SLX9: variants seen among roughly 807,000 people sequenced by gnomAD.
SLX9 encodes ribosome biogenesis protein SLX9 homolog.
SLX9 carries 19 observed loss-of-function variants against 20.8 expected under a neutral mutation model. That is an observed-to-expected ratio of 0.91 (90% CI 0.64 to 1.34). The LOEUF is 1.34. SLX9 is among the 40% of genes most tolerant of loss of function. The pLI is 0.00. For missense variants in SLX9, 299 were observed against 322.2 expected, an observed-to-expected ratio of 0.93 and a Z score of 0.55; for synonymous variants, 113 against 137.1, an observed-to-expected ratio of 0.82 and a Z score of 1.23.
At chr21:44,962,105 CATCA>C in intron 3 of SLX9, among the ~76,000 whole-genome samples, 1 of 152,332 alleles carries the variant, frequency 6.6e-6, no homozygotes, top group East Asian at 1.9e-4. Flanking sequence ...AAATGGCAGA[CATCA>C]GTACACTCCA....
At chr21:44,953,552 G>A (rs1190039934) in intron 2 of SLX9, among the ~76,000 whole-genome samples, 4 of 151,424 alleles carry the variant, frequency 2.6e-5, no homozygotes, top group Admixed American at 6.6e-5. Context: ...CATCCCCGGC[G>A]GTGGGGCCCT....
At chr21:44,958,570 C>T (rs143471937) in intron 2 of SLX9, 1 of 152,494 alleles carries the variant, frequency 6.6e-6, no homozygotes, top group Non-Finnish European at 1.5e-5. Flanking sequence ...CTCCGTAGCC[C>T]GCGGCACCGA....
chr21:44,966,497 C>T (rs550290259), intron 3 of SLX9, among the ~76,000 whole-genome samples: 1 of 152,296 alleles, frequency 6.6e-6, no homozygotes, highest in Admixed American at 6.5e-5. Context: ...AGGCCATACC[C>T]CTTCTGTCCA....
At chr21:44,948,671 G>A (rs537686469) in intron 2 of SLX9, among the ~76,000 whole-genome samples, 4 of 152,324 alleles carry the variant, frequency 2.6e-5, no homozygotes, top group African/African-American at 9.6e-5. Context: ...TGGACGGCTT[G>A]GGGGCGGTGG....
rs554789748 is a variant in SLX9 at position 44,969,164 on chromosome 21, C to T, written c.500+1983C>T. 1.5e-3 allele frequency: 689 copies of T among 470,814 alleles called. 2 individuals carry two copies. The highest frequency in any genetic ancestry group is 2.8e-3 in the Non-Finnish European group (626 of 226,940). 29.2% of individuals were successfully genotyped at this position (470,814 alleles called of 1,614,324 possible). Reference sequence around the variant, plus strand: ...TGGGGTCCATCCTTTCATGGCCCAGCTGCCCAGGCTCGAGGGTGGCAGGTC... The same window carrying T: ...TGGGGTCCATCCTTTCATGGCCCAGTTGCCCAGGCTCGAGGGTGGCAGGTC... On this transcript the variant is annotated intron_variant, in intron 4 of 5. Transcript: ENST00000291634.
intron 4 of SLX9, among the ~76,000 whole-genome samples, chr21:44,968,744 A>T (rs559580818): frequency 9.2e-5 from 13 of 141,840 alleles, no homozygotes; most frequent in African/African-American, 3.3e-4. Context: ...CATTTGTGTC[A>T]TCTCTGTGCT....
chr21:44,940,314 T>C lies in SLX9; in HGVS notation c.129+128T>C, dbSNP rs918946578. The C allele has an allele frequency of 1.2e-5, 14 of 1,161,156 alleles. No individual in the cohort carries two copies. In the African/African-American group the frequency reaches 2.1e-4, roughly 17 times the overall value. The allele number at this position is 1,161,156 out of a possible 1,614,324, so 71.9% of individuals were successfully genotyped here. ...CGGGCTCTGCGGGCATTTGCTGCGC[T>C]ACAGACGCGACCTTCTTGCTTCGCG... On this transcript the variant is annotated intron_variant, in intron 1 of 5. Coordinates refer to ENST00000291634, the MANE Select transcript of SLX9 (RefSeq NM_058190.4).
chr21:44,957,237 C>T (rs1306971481), intron 2 of SLX9, among the ~76,000 whole-genome samples: 1 of 152,234 alleles, frequency 6.6e-6, no homozygotes, highest in Non-Finnish European at 1.5e-5. Flanking sequence ...AAGGGCAGGG[C>T]TGAGGCGGGG....
chr21:44,957,834 C>A (rs2084885630), intron 2 of SLX9, among the ~76,000 whole-genome samples: 1 of 152,228 alleles, frequency 6.6e-6, no homozygotes. Context: ...TGGGGACTTG[C>A]CCGTCTCCTG....
chr21:44,958,635 C>T (rs1285407373), intron 2 of SLX9, among the ~76,000 whole-genome samples: 23 of 152,224 alleles, frequency 1.5e-4, no homozygotes, highest in Admixed American at 1.5e-3. Flanking sequence ...GGGGAGCAGG[C>T]GTGAACCTGT....
intron 2 of SLX9, among the ~76,000 whole-genome samples, chr21:44,947,892 C>T (rs574125611): frequency 4.6e-5 from 7 of 152,362 alleles, no homozygotes; most frequent in African/African-American, 7.2e-5. Context: ...AGGGGCTTTG[C>T]GGCAGCCTGT....
intron 1 of SLX9, among the ~76,000 whole-genome samples, chr21:44,942,577 C>G (rs1471242398): frequency 6.6e-6 from 1 of 152,192 alleles, no homozygotes; most frequent in Admixed American, 6.6e-5. Context: ...TGTTTTACCT[C>G]TACCTTCAAG....
intron 1 of SLX9, among the ~76,000 whole-genome samples, chr21:44,941,255 G>A (rs1189698012): frequency 6.6e-6 from 1 of 152,102 alleles, no homozygotes; most frequent in Non-Finnish European, 1.5e-5. Flanking sequence ...CTGTTGCCTG[G>A]CTCATGCTGG....
At chr21:44,968,902 C>T (rs547012890) in intron 4 of SLX9, among the ~76,000 whole-genome samples, 32 of 152,158 alleles carry the variant, frequency 2.1e-4, no homozygotes, top group South Asian at 6.2e-4. Flanking sequence ...TACAGGCGCC[C>T]GCCACCATAC....
At chr21:44,950,253 T>C (rs546546767) in intron 2 of SLX9, among the ~76,000 whole-genome samples, 1 of 150,372 alleles carries the variant, frequency 6.7e-6, no homozygotes, top group East Asian at 2.0e-4. Context: ...AAAAAATCCC[T>C]TTTTTAAGAC....
chr21:44,963,092 C>CT (rs770861444), intron 3 of SLX9, among the ~76,000 whole-genome samples: 10,392 of 140,386 alleles, frequency 0.074, 481 homozygotes, highest in Non-Finnish European at 0.1. Context: ...CATTTTCTTT[C>CT]TTTTTTTTTT....
At chr21:44,966,384 G>A (rs1171523980) in intron 3 of SLX9, among the ~76,000 whole-genome samples, 7 of 152,194 alleles carry the variant, frequency 4.6e-5, no homozygotes, top group Non-Finnish European at 1.0e-4. Flanking sequence ...GGCCGTCCGC[G>A]CTCCACAGCC....
At chr21:44,955,941 C>T (rs1023631974) in intron 2 of SLX9, among the ~76,000 whole-genome samples, 1 of 152,206 alleles carries the variant, frequency 6.6e-6, no homozygotes, top group African/African-American at 2.4e-5. Context: ...CCGGGAGCAG[C>T]ACCCAAGTCG....
At chr21:44,950,182 C>T (rs1306900556) in intron 2 of SLX9, among the ~76,000 whole-genome samples, 3 of 151,484 alleles carry the variant, frequency 2.0e-5, no homozygotes, top group African/African-American at 4.9e-5. Context: ...GCTTGAGTCC[C>T]AGGTGCCTGC....
Sources: allele counts gnomAD v4.1 joint callset (sites outside exome capture counted in the v4.1 genomes callset), GRCh38; gene constraint gnomAD v4.1.1; transcripts MANE v1.5; gene names NCBI Gene and HGNC (gene_info 2026-07-23, HGNC 2026-07-21).